Variants in HMGA2 observed in about 807,000 individuals in gnomAD.
HMGA2 encodes the protein high mobility group AT-hook 2.
Under a neutral mutation model 19.1 loss-of-function variants are expected in HMGA2, and 8 were observed. The ratio of observed to expected loss-of-function variants is 0.42; its 90% CI spans 0.25 to 0.76. The LOEUF (loss-of-function observed/expected upper bound fraction) is 0.76, where lower values mean the gene tolerates loss of function less well. HMGA2 is among the 30% of genes least tolerant of loss of function. The pLI is 0.28. For missense variants in HMGA2, 109 were observed against 136.3 expected (o/e 0.80, Z 1.00); for synonymous variants, 60 against 48.8 (o/e 1.23, Z -0.96).
chr12:65,875,106 T>C (rs986605503), intron 3 of HMGA2, among the ~76,000 whole-genome samples: 1 of 144,248 alleles, frequency 6.9e-6, no homozygotes, highest in African/African-American at 2.8e-5. Flanking sequence ...GAAATGCTTA[T>C]ATTTATTAGA....
intron 3 of HMGA2, among the ~76,000 whole-genome samples, chr12:65,925,484 T>C (rs552675044): frequency 6.6e-6 from 1 of 152,342 alleles, no homozygotes; most frequent in South Asian, 2.1e-4. Context: ...GTTCCGATTC[T>C]GCTCTTGGTG....
chr12:65,929,424 T>C (rs558018201), intron 3 of HMGA2, among the ~76,000 whole-genome samples: 1 of 151,896 alleles, frequency 6.6e-6, no homozygotes, highest in Non-Finnish European at 1.5e-5. Context: ...ATCGACTTGA[T>C]ATGTCTAAAG....
At chr12:65,927,548 T>C (rs1006269166) in intron 3 of HMGA2, among the ~76,000 whole-genome samples, 4 of 152,200 alleles carry the variant, frequency 2.6e-5, no homozygotes, top group African/African-American at 9.6e-5. Context: ...TTACGTTTTA[T>C]AAAATCACAA....
intron 3 of HMGA2, among the ~76,000 whole-genome samples, chr12:65,940,837 G>T (rs1012092055): frequency 6.6e-6 from 1 of 152,108 alleles, no homozygotes; most frequent in Non-Finnish European, 1.5e-5. Flanking sequence ...TTCTGTACAT[G>T]GTTGTTGTAA....
At chr12:65,879,749 C>T (rs1039685400) in intron 3 of HMGA2, among the ~76,000 whole-genome samples, 1 of 152,168 alleles carries the variant, frequency 6.6e-6, no homozygotes, top group East Asian at 1.9e-4. Flanking sequence ...CTATATTGAG[C>T]GTATATGTAC....
intron 3 of HMGA2, chr12:65,948,514 T>C (rs986557152): frequency 3.9e-5 from 6 of 152,226 alleles, no homozygotes; most frequent in Admixed American, 3.9e-4. Flanking sequence ...AGTATTATGC[T>C]TCAGTCTGCG....
At chr12:65,961,034 C>T (rs538074375) in intron 4 of HMGA2, among the ~76,000 whole-genome samples, 2 of 152,046 alleles carry the variant, frequency 1.3e-5, no homozygotes, top group South Asian at 2.1e-4. Flanking sequence ...CCTTGGTTTC[C>T]GGATAGTATA....
At chr12:65,880,095 C>T (rs935059700) in intron 3 of HMGA2, among the ~76,000 whole-genome samples, 11 of 152,226 alleles carry the variant, frequency 7.2e-5, no homozygotes, top group African/African-American at 2.4e-4. Flanking sequence ...AGACAGCTAA[C>T]GATGGGAGGT....
At position 65,965,077 on chromosome 12, in the gene HMGA2, A is replaced by G; in HGVS notation, c.*1785A>G. ...AGTCAAAACTATTTTTGTAAAAGAC[A>G]TTTGATAGAAAGGAACACGTTTTTA... On this transcript the variant is annotated 3_prime_UTR_variant, in exon 5 of 5. Transcript: ENST00000403681. The G allele has an allele frequency of 5.2e-6, 1 of 191,120 alleles. No homozygotes were observed. The highest frequency in any genetic ancestry group is 1.1e-5 in the Non-Finnish European group (1 of 90,924). 11.8% of individuals were successfully genotyped at this position (191,120 alleles called of 1,614,324 possible). A position where few individuals can be genotyped will look rare whatever the true frequency, so the allele number is the denominator to read the frequency against.
intron 3 of HMGA2, among the ~76,000 whole-genome samples, chr12:65,928,679 T>A (rs188853003): frequency 5.9e-5 from 9 of 152,346 alleles, no homozygotes; most frequent in East Asian, 1.9e-4. Flanking sequence ...TAATTTTTTT[T>A]AATTTTCAAA....
chr12:65,849,635 G>A (rs1871367933), intron 3 of HMGA2, among the ~76,000 whole-genome samples: 1 of 151,312 alleles, frequency 6.6e-6, no homozygotes, highest in Admixed American at 6.6e-5. Context: ...ACATAGCAAT[G>A]TGGTAGAGCT....
chr12:65,838,456 T>G (rs986406509), intron 2 of HMGA2, 63 bp from the exon 3 acceptor site: 186 of 1,211,726 alleles, frequency 1.5e-4, no homozygotes, highest in Non-Finnish European at 2.2e-4. Context: ...ATGTGTCCCT[T>G]GGTGCAGTAC....
rs1876894236 is a variant in HMGA2 at position 65,965,900 on chromosome 12, T to A, written c.*2608T>A. ...GAACAGTAAGAACATCATAAAATTT[T>A]TATATATATAGTTTATTTTTGTGGG... On this transcript the variant is annotated 3_prime_UTR_variant, in exon 5 of 5. Coordinates refer to ENST00000403681, the MANE Select transcript of HMGA2 (RefSeq NM_003483.6). The A allele has an allele frequency of 1.4e-5, 3 of 214,872 alleles. No individual in the cohort carries two copies. The highest frequency in any genetic ancestry group is 1.9e-5 in the Non-Finnish European group (2 of 106,372). The allele number at this position is 214,872 out of a possible 1,614,324, so 13.3% of individuals were successfully genotyped here.
At chr12:65,892,526 T>A (rs1873954490) in intron 3 of HMGA2, among the ~76,000 whole-genome samples, 1 of 152,140 alleles carries the variant, frequency 6.6e-6, no homozygotes, top group Non-Finnish European at 1.5e-5. Flanking sequence ...TTGTCTTTTC[T>A]TTTTTTGCCT....
intron 4 of HMGA2, among the ~76,000 whole-genome samples, chr12:65,959,999 C>T (rs1185617170): frequency 6.6e-6 from 1 of 152,152 alleles, no homozygotes; most frequent in African/African-American, 2.4e-5. Flanking sequence ...ACAGCATTCT[C>T]CTGCCGCAGC....
intron 3 of HMGA2, chr12:65,882,144 C>T (rs1873443830): frequency 4.8e-6 from 2 of 417,516 alleles, no homozygotes; most frequent in African/African-American, 4.0e-5. Context: ...CAGAGCTGGG[C>T]AGGCGGCGAG....
intron 3 of HMGA2, among the ~76,000 whole-genome samples, chr12:65,936,198 C>A (rs117460346): frequency 0.015 from 2,136 of 139,874 alleles, 27 homozygotes; most frequent in Non-Finnish European, 0.024. Flanking sequence ...CTCTGTAAAT[C>A]TTTTGTTCCA....
chr12:65,951,409 T>C lies in HMGA2; in HGVS notation c.276T>C (p.Pro92=), dbSNP rs945705571. Residue 92 remains proline (P), a synonymous_variant, in exon 4 of 5, where the codon CCT becomes CCC. Coordinates refer to ENST00000403681, the MANE Select transcript of HMGA2 (RefSeq NM_003483.6). ...CACAACAAGTTGTTCAGAAGAAGCC[T>C]GCTCAGGTAAGACATAGTCATTAAT... ...KWPQQVVQKK[P]AQEETEETSS... 4 of 1,531,036 alleles carry C rather than the reference T, an allele frequency of 2.6e-6. No individual in the cohort carries two copies. The African/African-American group carries it at 4.1e-5, about 16-fold the overall frequency. The allele number at this position is 1,531,036 out of a possible 1,614,324, so 94.8% of individuals were successfully genotyped here.
chr12:65,936,583 T>C (rs1035224933), intron 3 of HMGA2, among the ~76,000 whole-genome samples: 3 of 152,162 alleles, frequency 2.0e-5, no homozygotes, highest in Admixed American at 2.0e-4. Context: ...TGGTACTACA[T>C]TTATTGATAC....
Sources: allele counts gnomAD v4.1 joint callset (sites outside exome capture counted in the v4.1 genomes callset), GRCh38; gene constraint gnomAD v4.1.1; transcripts MANE v1.5; gene names NCBI Gene and HGNC (gene_info 2026-07-23, HGNC 2026-07-21).